The following RABGAP1L variants were observed in gnomAD, a reference collection of about 807,000 sequenced individuals.
RABGAP1L encodes the protein RAB GTPase activating protein 1 like, also known as rab GTPase-activating protein 1-like.
A neutral mutation model predicts 137.7 loss-of-function variants in RABGAP1L; 63 were observed. The observed-to-expected ratio is 0.46, with a 90% CI of 0.37 to 0.56. RABGAP1L has a LOEUF of 0.56. Ranked by LOEUF, RABGAP1L falls within the 20% of genes least tolerant of loss-of-function variation. RABGAP1L has a pLI of 0.00. For missense variants in RABGAP1L, 1,095 were observed against 1,244.0 expected, an observed-to-expected ratio of 0.88 and a Z score of 1.80; for synonymous variants, 431 against 433.7, an observed-to-expected ratio of 0.99 and a Z score of 0.08.
intron 10 of RABGAP1L, among the ~76,000 whole-genome samples, chr1:174,298,230 C>T (rs1275161849): frequency 6.6e-6 from 1 of 151,584 alleles, no homozygotes; most frequent in Non-Finnish European, 1.5e-5. Context: ...GTCCTCTTTC[C>T]GTCTTCTGTC....
chr1:174,219,370 C>T (rs1044969323), intron 2 of RABGAP1L, 75 bp downstream of exon 2: 44 of 1,065,472 alleles, frequency 4.1e-5, no homozygotes, highest in Non-Finnish European at 5.6e-5. Flanking sequence ...GTGTAAAATG[C>T]AAAGGTTTTT....
At chr1:174,573,314 TTG>T (rs918671321) in intron 13 of RABGAP1L, among the ~76,000 whole-genome samples, 1 of 151,244 alleles carries the variant, frequency 6.6e-6, no homozygotes, top group African/African-American at 2.4e-5. Flanking sequence ...TATATATAAT[TTG>T]TGTGTGTGTG....
intron 1 of RABGAP1L, among the ~76,000 whole-genome samples, chr1:174,195,487 T>C (rs983965041): frequency 3.3e-5 from 5 of 152,202 alleles, no homozygotes; most frequent in Non-Finnish European, 5.9e-5. Context: ...GAGTGTAATA[T>C]GTTTAAGACC....
intron 18 of RABGAP1L, among the ~76,000 whole-genome samples, chr1:174,763,170 C>G (rs994728833): frequency 2.6e-5 from 4 of 152,040 alleles, no homozygotes; most frequent in Admixed American, 1.3e-4. Context: ...TATTTAGCTT[C>G]TCTCATTTTC....
intron 2 of RABGAP1L, among the ~76,000 whole-genome samples, chr1:174,219,950 G>A (rs1669625705): frequency 6.6e-6 from 1 of 152,078 alleles, no homozygotes; most frequent in Non-Finnish European, 1.5e-5. Flanking sequence ...ATTAACTATG[G>A]CATCAAAAGT....
chr1:174,682,308 A>ATG (rs1166019624), intron 14 of RABGAP1L, among the ~76,000 whole-genome samples: 1 of 150,096 alleles, frequency 6.7e-6, no homozygotes, highest in African/African-American at 2.5e-5. Flanking sequence ...ATACATACAT[A>ATG]TATATATATA....
chr1:174,811,445 A>G (rs1303054587), intron 18 of RABGAP1L, among the ~76,000 whole-genome samples: 1 of 152,182 alleles, frequency 6.6e-6, no homozygotes, highest in African/African-American at 2.4e-5. Context: ...CTTTTTAATA[A>G]TATCCTTAAA....
chr1:174,524,483 C>T (rs1278005124), intron 13 of RABGAP1L, among the ~76,000 whole-genome samples: 2 of 151,922 alleles, frequency 1.3e-5, no homozygotes, highest in Admixed American at 6.6e-5. Flanking sequence ...GTCATTTGCC[C>T]ACTTTTTAAT....
chr1:174,722,746 T>C (rs1241784770), intron 17 of RABGAP1L, among the ~76,000 whole-genome samples: 1 of 152,084 alleles, frequency 6.6e-6, no homozygotes, highest in Non-Finnish European at 1.5e-5. Flanking sequence ...CCACTGCACC[T>C]GGCCTTTATC....
At chr1:174,231,740 G>C (rs915559028) in intron 4 of RABGAP1L, among the ~76,000 whole-genome samples, 1 of 152,064 alleles carries the variant, frequency 6.6e-6, no homozygotes, top group Non-Finnish European at 1.5e-5. Context: ...ATTGTCTTAC[G>C]TGGCAGGAGC....
chr1:174,650,170 C>T (rs1375026781), intron 14 of RABGAP1L, among the ~76,000 whole-genome samples: 2 of 152,150 alleles, frequency 1.3e-5, no homozygotes, highest in African/African-American at 4.8e-5. Context: ...AGCCTTGCAT[C>T]CCAGGGATGG....
intron 13 of RABGAP1L, among the ~76,000 whole-genome samples, chr1:174,572,190 G>T (rs555835597): frequency 6.6e-6 from 1 of 152,332 alleles, no homozygotes; most frequent in East Asian, 1.9e-4. Context: ...AGTAAGACCA[G>T]TCCTTCTACC....
intron 14 of RABGAP1L, among the ~76,000 whole-genome samples, chr1:174,656,743 C>G (rs1201189354): frequency 6.6e-6 from 1 of 152,122 alleles, no homozygotes; most frequent in Admixed American, 6.6e-5. Flanking sequence ...AGTTTGTATT[C>G]TTTGTCATGT....
chr1:174,684,530 A>C (rs972482635), intron 15 of RABGAP1L, among the ~76,000 whole-genome samples: 7 of 152,210 alleles, frequency 4.6e-5, no homozygotes, highest in African/African-American at 1.7e-4. Context: ...ATGTGTCAAA[A>C]ATGCAGGCTT....
intron 9 of RABGAP1L, 77 bp from the exon 10 acceptor site, chr1:174,278,536 C>A (rs1267885722): frequency 2.8e-5 from 32 of 1,153,038 alleles, no homozygotes; most frequent in Admixed American, 4.5e-5. Context: ...TTAATTCTTT[C>A]ATAAGTGAGG....
At chr1:174,315,376 A>G (rs1162720802) in intron 11 of RABGAP1L, among the ~76,000 whole-genome samples, 2 of 151,906 alleles carry the variant, frequency 1.3e-5, no homozygotes, top group Admixed American at 6.6e-5. Flanking sequence ...TTCTCCGTCT[A>G]TATGTGTCCG....
At chr1:174,837,162 G>A (rs1034665771) in intron 19 of RABGAP1L, among the ~76,000 whole-genome samples, 2 of 151,518 alleles carry the variant, frequency 1.3e-5, no homozygotes, top group Non-Finnish European at 1.5e-5. Context: ...AGCCGAGATC[G>A]TGCCATTGCA....
intron 18 of RABGAP1L, among the ~76,000 whole-genome samples, chr1:174,773,915 C>G (rs1180564278): frequency 6.6e-6 from 1 of 152,218 alleles, no homozygotes; most frequent in East Asian, 1.9e-4. Flanking sequence ...AGAGGATTCA[C>G]TGCCCAATAT....
chr1:174,425,806 A>G (rs1019749300), intron 13 of RABGAP1L, among the ~76,000 whole-genome samples: 1 of 152,066 alleles, frequency 6.6e-6, no homozygotes, highest in Non-Finnish European at 1.5e-5. Flanking sequence ...ATTTACAGAT[A>G]TAAAGACATT....
Sources: allele counts gnomAD v4.1 joint callset (sites outside exome capture counted in the v4.1 genomes callset), GRCh38; gene constraint gnomAD v4.1.1; transcripts MANE v1.5; gene names NCBI Gene and HGNC (gene_info 2026-07-23, HGNC 2026-07-21).